The following RRM2 variants were observed in gnomAD, a reference collection of about 807,000 sequenced individuals.
The protein encoded by RRM2 is ribonucleoside-diphosphate reductase subunit M2.
RRM2 carries 6 observed loss-of-function variants against 45.9 expected under a neutral mutation model. The ratio of observed to expected loss-of-function variants is 0.13; its 90% CI spans 0.07 to 0.26. The LOEUF is 0.26. Among genes scored for constraint, RRM2 ranks in the 10% least tolerant of loss-of-function variants. The pLI is 1.00. For synonymous variants in RRM2, 177 were observed against 173.0 expected, an observed-to-expected ratio of 1.02 and a Z score of -0.18; for missense variants, 343 against 489.5, an observed-to-expected ratio of 0.70 and a Z score of 2.82.
exon 4 of RRM2, chr2:10,210,431 C>A (rs950213179): frequency 1.5e-6 from 2 of 1,367,898 alleles, no homozygotes; most frequent in East Asian, 4.5e-5. Flanking sequence ...CAGACAGGGA[C>A]ACCCCTGGAG....
At chr2:10,141,754 A>C in intron 1 of RRM2, 1 of 1,470,876 alleles carries the variant, frequency 6.8e-7, no homozygotes, top group Admixed American at 2.2e-5. Flanking sequence ...CACGGGAAAC[A>C]GAGCCCCAGG....
At chr2:10,139,783 T>G (rs1023143690), upstream of RRM2, among the ~76,000 whole-genome samples, 1 of 152,194 alleles carries the variant, frequency 6.6e-6, no homozygotes, top group Non-Finnish European at 1.5e-5. Context: ...TGTTGGGCCT[T>G]CCTTTGCTTC....
intron 3 of RRM2, among the ~76,000 whole-genome samples, chr2:10,143,609 G>A (rs1421256758): frequency 6.6e-6 from 1 of 151,862 alleles, no homozygotes; most frequent in African/African-American, 2.4e-5. Flanking sequence ...GCCTGGTTGA[G>A]ATCATGACTG....
At chr2:10,143,412 C>T (rs1480559561) in intron 3 of RRM2, among the ~76,000 whole-genome samples, 6 of 152,370 alleles carry the variant, frequency 3.9e-5, no homozygotes, top group East Asian at 3.9e-4. Flanking sequence ...TGCACAGAAT[C>T]GTACACTTTT....
rs1664397409 is a variant in RRM2 at position 10,195,457 on chromosome 2, G to A, written n.483-14854G>A. 6.6e-6 allele frequency among the ~76,000 whole-genome samples: 1 copy of A among 152,212 alleles called. No individual in the cohort carries two copies. The highest frequency in any genetic ancestry group is 1.5e-5 in the Non-Finnish European group (1 of 68,032). On this transcript the variant is annotated intron_variant and non_coding_transcript_variant, in intron 3 of 3. Transcript: ENST00000381786. This position sits in a 1 kb window ranked among gnomAD's most constrained non-coding sequence, Gnocchi z 4.9. ...GGTCCCTGAAGCACCGGAGCCAGCA[G>A]CAGGAGCATGCGGGGGAGACCTTGG... is the stretch of plus-strand genomic sequence containing the variant.
chr2:10,191,059 G>T (rs957024928), intron 3 of RRM2, among the ~76,000 whole-genome samples: 1 of 152,202 alleles, frequency 6.6e-6, no homozygotes, highest in Non-Finnish European at 1.5e-5. Context: ...GGAGCACAAA[G>T]GCATGGCGAG....
intron 3 of RRM2, chr2:10,156,182 G>A (rs1370119596): frequency 6.6e-6 from 1 of 152,262 alleles, no homozygotes; most frequent in Non-Finnish European, 1.5e-5. Flanking sequence ...ATTGGAAGGA[G>A]AATTGGCTTG....
chr2:10,196,267 C>T (rs1038536792), intron 3 of RRM2, among the ~76,000 whole-genome samples: 1 of 152,266 alleles, frequency 6.6e-6, no homozygotes, highest in East Asian at 1.9e-4. Context: ...GGGTGGGCCA[C>T]GAGCCCCCAC....
At chr2:10,188,860 G>T (rs1051943562) in intron 3 of RRM2, among the ~76,000 whole-genome samples, 1 of 152,178 alleles carries the variant, frequency 6.6e-6, no homozygotes, top group Non-Finnish European at 1.5e-5. Context: ...CCTCCTAGGA[G>T]CTTCTGTCTG....
intron 3 of RRM2, among the ~76,000 whole-genome samples, chr2:10,184,213 A>AT (rs1345905276): frequency 1.3e-5 from 2 of 151,432 alleles, no homozygotes; most frequent in African/African-American, 4.9e-5. Context: ...GACTGCAAAC[A>AT]TCCTGCCATT....
In RRM2 at chr2:10,131,408, T is replaced by C. The variant is rs1351957475; in HGVS notation, c.*2022T>C. ...TAAGTGATTAAAATAAAACTGTTCT[T>C]ATGTCAGTTTCTTGATTGGTAAAAT... is the stretch of plus-strand genomic sequence containing the variant. On this transcript the variant is annotated 3_prime_UTR_variant, in exon 10 of 10. Transcript: ENST00000304567. 1 of 151,076 alleles carries C rather than the reference T, an allele frequency of 6.6e-6. No individual in the cohort carries two copies. The highest frequency in any genetic ancestry group is 1.5e-5 in the Non-Finnish European group (1 of 67,962). The allele number at this position is 151,076 out of a possible 1,614,324, so 9.4% of individuals were successfully genotyped here.
chr2:10,141,729 G>C (rs1663083174), intron 1 of RRM2: 1 of 1,373,376 alleles, frequency 7.3e-7, no homozygotes, highest in Admixed American at 2.3e-5. Context: ...GGTGAGGGTG[G>C]GGTACTGTTC....
In RRM2 at chr2:10,171,031, G is replaced by A. The variant is rs529108582; in HGVS notation, n.482+28656G>A. Among the ~76,000 whole-genome samples the A allele has an allele frequency of 1.3e-5, 2 of 152,348 alleles. No homozygotes were observed. Among genetic ancestry groups the A allele is most frequent in the East Asian group, 1.9e-4 (1 of 5,186 alleles). On this transcript the variant is annotated intron_variant and non_coding_transcript_variant, in intron 3 of 3. Coordinates refer to the RRM2 transcript ENST00000381786. This position sits in a 1 kb window ranked among gnomAD's most constrained non-coding sequence, Gnocchi z 4.1. ...GGGCTCAGGCCTCATCAGGGGAAAC[G>A]TGGGCATCTAGATGACCCTCCACAC... is the stretch of plus-strand genomic sequence containing the variant.
chr2:10,184,018 A>T (rs1664112134), intron 3 of RRM2, among the ~76,000 whole-genome samples: 1 of 135,844 alleles, frequency 7.4e-6, no homozygotes, highest in East Asian at 2.5e-4. Context: ...GCGTGAACCC[A>T]GGAGGTGGAG....
chr2:10,151,886 T>C (rs1476956521), intron 3 of RRM2, among the ~76,000 whole-genome samples: 1 of 152,258 alleles, frequency 6.6e-6, no homozygotes, highest in East Asian at 1.9e-4. Flanking sequence ...ATGTACTTAT[T>C]TTTTATATGT....
chr2:10,142,492 C>A, intron 3 of RRM2: 2 of 1,082,648 alleles, frequency 1.8e-6, no homozygotes, highest in Non-Finnish European at 2.5e-6. Flanking sequence ...CGCACCCCTG[C>A]CAGGTCGGAA....
At chr2:10,175,051 T>A (rs1055688794) in intron 3 of RRM2, among the ~76,000 whole-genome samples, 4 of 152,204 alleles carry the variant, frequency 2.6e-5, no homozygotes, top group Non-Finnish European at 4.4e-5. Flanking sequence ...AATCTAGGCA[T>A]GTGGGCTTTT....
At position 10,127,612 on chromosome 2, in the gene RRM2, T is replaced by C. The variant is rs1027632262; in HGVS notation, c.798+392T>C. 1.3e-5 allele frequency among the ~76,000 whole-genome samples: 2 copies of C among 152,126 alleles called. No homozygotes were observed. The highest frequency in any genetic ancestry group is 2.4e-5 in the African/African-American group (1 of 41,544). On this transcript the variant is annotated intron_variant, in intron 7 of 9. Transcript: ENST00000304567. This position sits in a 1 kb window ranked among gnomAD's most constrained non-coding sequence, Gnocchi z 4.1. ...GCCTCAGCCTCCCAAGTAGCTGGGATTGTAGGTGCCTGCCACCATGCCCAG... is the reference window on the plus strand; with the variant it reads ...GCCTCAGCCTCCCAAGTAGCTGGGACTGTAGGTGCCTGCCACCATGCCCAG...
At chr2:10,160,876 C>T (rs540796179) in intron 3 of RRM2, among the ~76,000 whole-genome samples, 2 of 152,318 alleles carry the variant, frequency 1.3e-5, no homozygotes, top group African/African-American at 4.8e-5. Flanking sequence ...TGCCCTGTTG[C>T]CTGCGCCCCT....
Sources: allele counts gnomAD v4.1 joint callset (sites outside exome capture counted in the v4.1 genomes callset), GRCh38; gene constraint gnomAD v4.1.1; non-coding constraint Gnocchi (gnomAD v3.1); transcripts MANE v1.5; gene names NCBI Gene and HGNC (gene_info 2026-07-23, HGNC 2026-07-21).